RGL3: variants seen among roughly 807,000 people sequenced by gnomAD.
RGL3 encodes the protein ral guanine nucleotide dissociation stimulator like 3.
RGL3 carries 85 observed loss-of-function variants against 90.6 expected under a neutral mutation model. The ratio of observed to expected loss-of-function variants is 0.94; its 90% CI spans 0.79 to 1.12. The LOEUF is 1.12. RGL3 is among the 50% of genes most tolerant of loss of function. The pLI is 0.00. For missense variants in RGL3, 1,034 were observed against 939.2 expected, an observed-to-expected ratio of 1.10 and a Z score of -1.32; for synonymous variants, 408 against 385.5, an observed-to-expected ratio of 1.06 and a Z score of -0.68.
intron 9 of RGL3, 77 bp from the exon 10 acceptor site, chr19:11,402,783 CAT>C: frequency 8.2e-7 from 1 of 1,215,700 alleles, no homozygotes; most frequent in South Asian, 1.3e-5. Context: ...GCAGACCCAT[CAT>C]ATATACCCTT....
At chr19:11,405,494 CTTTTTTTTTTTT>C (rs771398199) in intron 7 of RGL3, 68 bp from the exon 8 acceptor site, 194 of 163,812 alleles carry the variant, frequency 1.2e-3, no homozygotes, top group Middle Eastern at 6.0e-3. Flanking sequence ...ACTTCTTCAT[CTTTTTTTTTTTT>C]TTTTTTTTTT....
intron 5 of RGL3, among the ~76,000 whole-genome samples, chr19:11,410,546 C>G (rs1025317394): frequency 1.3e-5 from 2 of 151,782 alleles, no homozygotes; most frequent in Non-Finnish European, 2.9e-5. Context: ...GTTGCGCATC[C>G]TGATGCACAC....
In RGL3 at chr19:11,400,216, G is replaced by C; in HGVS notation, c.1566C>G (p.Thr522=). Residue 522 remains threonine (T), a synonymous_variant, in exon 14 of 19, where the codon ACC becomes ACG. Coordinates refer to ENST00000380456, the MANE Select transcript of RGL3 (RefSeq NM_001035223.4). ...CCGAGACTCACGCACTGAGACGCTT[G>C]GTGAGGCTGATCCGCCGTCGGATGC... is the stretch of plus-strand genomic sequence containing the variant. ...SPRIRRRISL[T]KRLSAKLARE... 6.3e-7 allele frequency: 1 copy of C among 1,593,202 alleles called. No homozygotes were observed. Among genetic ancestry groups the C allele is most frequent in the Admixed American group, 1.7e-5 (1 of 57,350 alleles).
rs192646064 is a variant in RGL3, at chr19:11,403,411, G to A, written c.1186-705C>T. 1.4e-3 allele frequency among the ~76,000 whole-genome samples: 215 copies of A among 149,528 alleles called. 2 individuals are homozygous for A. Among genetic ancestry groups the A allele is most frequent in the African/African-American group, 4.7e-3 (193 of 41,270 alleles). ...CCCAGCACTTTGGGAGGCCGAGGCTGGTGGATCACATGAGGTAAGGAGTTT... is the reference window on the plus strand; with the variant it reads ...CCCAGCACTTTGGGAGGCCGAGGCTAGTGGATCACATGAGGTAAGGAGTTT... On this transcript the variant is annotated intron_variant, in intron 9 of 18. Coordinates refer to ENST00000380456, the MANE Select transcript of RGL3 (RefSeq NM_001035223.4).
chr19:11,397,292 G>A lies in RGL3; in HGVS notation c.1966C>T (p.Pro656Ser). 1 of 1,613,530 alleles carries A rather than the reference G, an allele frequency of 6.2e-7. No individual in the cohort carries two copies. The highest frequency in any genetic ancestry group is 1.1e-5 in the South Asian group (1 of 91,004). ...AAGAGCTGATAGTCACAGGCCCAGG[G>A]CTGGGGCACATTGTGCTTCTGCAAG... Reference protein sequence around the residue: ...RALQKHNVPQPWACDYQLFQV... With the variant: ...RALQKHNVPQSWACDYQLFQV... Residue 656 changes from proline to serine, a missense_variant, in exon 18 of 19, where the codon CCC (proline) becomes TCC (serine). By Grantham distance (74) the Pro-to-Ser change is moderately conservative. Coordinates refer to ENST00000380456, the MANE Select transcript of RGL3 (RefSeq NM_001035223.4).
chr19:11,405,492 ATCTTTTTTTTTTTTTTTTTTTTTTT>A, intron 7 of RGL3, 66 bp from the exon 8 acceptor site: 3 of 132,448 alleles, frequency 2.3e-5, no homozygotes, highest in African/African-American at 4.2e-5. Context: ...AAACTTCTTC[ATCTTTTTTTTTTTTTTTTTTTTTTT>A]TTTTTTTTTT....
intron 9 of RGL3, among the ~76,000 whole-genome samples, chr19:11,404,119 G>C (rs1968727868): frequency 6.6e-6 from 1 of 152,182 alleles, no homozygotes. Flanking sequence ...CTGGGCTCAA[G>C]TGATCCTCTC....
chr19:11,408,824 C>T lies in RGL3; in HGVS notation c.638-1960G>A, dbSNP rs559168002. The T allele has an allele frequency of 4.6e-5, 7 of 152,234 alleles. No individual in the cohort carries two copies. The East Asian group carries it at 7.7e-4, about 17-fold the overall frequency. The allele number at this position is 152,234 out of a possible 1,614,324, so 9.4% of individuals were successfully genotyped here. Reference sequence around the variant, plus strand: ...CAATTGATTGTTCACAGTTACAGATCGAACTCCTTGTTCTACTCTTTCCCC... The same window carrying T: ...CAATTGATTGTTCACAGTTACAGATTGAACTCCTTGTTCTACTCTTTCCCC... On this transcript the variant is annotated intron_variant, in intron 5 of 18. Coordinates refer to ENST00000380456, the MANE Select transcript of RGL3 (RefSeq NM_001035223.4).
At chr19:11,417,333 A>G (rs948881956) in intron 2 of RGL3, among the ~76,000 whole-genome samples, 2 of 151,190 alleles carry the variant, frequency 1.3e-5, no homozygotes, top group Admixed American at 6.6e-5. Flanking sequence ...GTATTTTTGT[A>G]GAGATAGGGT....
chr19:11,404,701 G>C (rs1280885624), intron 9 of RGL3, among the ~76,000 whole-genome samples: 3 of 152,120 alleles, frequency 2.0e-5, no homozygotes, highest in Non-Finnish European at 2.9e-5. Flanking sequence ...AAACCTGGAG[G>C]GGTGGAGAAT....
chr19:11,410,562 G>A (rs892836155), intron 5 of RGL3, among the ~76,000 whole-genome samples: 1 of 151,822 alleles, frequency 6.6e-6, no homozygotes, highest in Non-Finnish European at 1.5e-5. Flanking sequence ...CACACCTGCT[G>A]TCCCACCTAC....
chr19:11,398,353 CT>C (rs917138418), intron 16 of RGL3, among the ~76,000 whole-genome samples: 5 of 148,672 alleles, frequency 3.4e-5, no homozygotes, highest in East Asian at 3.9e-4. Flanking sequence ...TTTTTCTTTT[CT>C]TTTTTTTTTG....
rs1256487709 is a variant in RGL3, at chr19:11,396,156, ATATTTTTTTTT to A, written c.2014+1077_2014+1087del. Among the ~76,000 whole-genome samples, 59 of 51,340 alleles carry A rather than the reference ATATTTTTTTTT, an allele frequency of 1.1e-3. 2 individuals are homozygous for A. The highest frequency in any genetic ancestry group is 3.4e-3 in the African/African-American group (35 of 10,416). The allele number at this position is 51,340 out of a possible 152,430, so 33.7% of individuals were successfully genotyped here. A position where few individuals can be genotyped will look rare whatever the true frequency, so the allele number is the denominator to read the frequency against. ...TCTCTCTATATATATATATATATAT[ATATTTTTTTTT>A]TTTTTTTTTTTTTTTTTTTGAGACA... On this transcript the variant is annotated intron_variant, in intron 18 of 18. Transcript: ENST00000380456.
intron 5 of RGL3, among the ~76,000 whole-genome samples, chr19:11,409,405 G>A (rs1298061042): frequency 6.6e-6 from 1 of 151,870 alleles, no homozygotes; most frequent in Non-Finnish European, 1.5e-5. Context: ...GGCGTGAACC[G>A]GCGAGGCGGA....
At chr19:11,395,213 A>G (rs947863812) in intron 18 of RGL3, among the ~76,000 whole-genome samples, 1 of 147,144 alleles carries the variant, frequency 6.8e-6, no homozygotes, top group African/African-American at 2.6e-5. Flanking sequence ...CCTCCCCCAC[A>G]ACCACTCCCA....
rs750399644 is a variant in RGL3 at position 11,406,854 on chromosome 19, T to C, written c.648A>G (p.Arg216=). ...EPPQVWTGPP[R]VAQTSDPDSS... ...AGTCTGGGTCAGAAGTTTGGGCAAC[T>C]CTGGGAGGTCCTGATCATTAGAAAG... is the stretch of plus-strand genomic sequence containing the variant. The change falls in exon 6 of 19, where the codon AGA becomes AGG. Residue 216 remains arginine (R), a synonymous_variant. Transcript: ENST00000380456. 1 of 1,605,578 alleles carries C rather than the reference T, an allele frequency of 6.2e-7. No individual in the cohort carries two copies. Among genetic ancestry groups the C allele is most frequent in the South Asian group, 1.1e-5 (1 of 90,820 alleles).
intron 18 of RGL3, among the ~76,000 whole-genome samples, chr19:11,396,160 T>TATATA (rs1568334151): frequency 1.5e-4 from 4 of 27,296 alleles, no homozygotes; most frequent in African/African-American, 4.2e-4. Context: ...ATATATATAT[T>TATATA]TTTTTTTTTT....
At chr19:11,401,809 G>A (rs1968680457) in intron 13 of RGL3, among the ~76,000 whole-genome samples, 1 of 152,272 alleles carries the variant, frequency 6.6e-6, no homozygotes, top group South Asian at 2.1e-4. Context: ...GGCCTCCCAA[G>A]TGCTGGGATT....
intron 4 of RGL3, 94 bp from the exon 5 acceptor site, chr19:11,416,242 A>C: frequency 1.1e-6 from 1 of 909,884 alleles, no homozygotes; most frequent in Non-Finnish European, 1.6e-6. Flanking sequence ...TTTTTGAGAT[A>C]GAGTCTTACT....
Sources: gnomAD v4.1 joint callset for allele counts (sites outside exome capture counted in the v4.1 genomes callset) on GRCh38, gnomAD v4.1.1 for gene constraint, MANE v1.5 for transcripts, NCBI Gene and HGNC (gene_info 2026-07-23, HGNC 2026-07-21) for gene names.